ROBO2: variants seen among roughly 807,000 people sequenced by gnomAD.
ROBO2 encodes roundabout guidance receptor 2.
A neutral mutation model predicts 160.8 loss-of-function variants in ROBO2; 53 were observed. The observed-to-expected ratio is 0.33, with a 90% CI of 0.26 to 0.41. The LOEUF is 0.41. Among genes scored for constraint, ROBO2 ranks in the 10% least tolerant of loss-of-function variants. The pLI, the probability that ROBO2 is intolerant of heterozygous loss-of-function variation, is 1.00. For synonymous variants in ROBO2, 664 were observed against 611.7 expected, an observed-to-expected ratio of 1.09 and a Z score of -1.26; for missense variants, 1,577 against 1,722.4, an observed-to-expected ratio of 0.92 and a Z score of 1.49.
intron 2 of ROBO2, among the ~76,000 whole-genome samples, chr3:76,224,902 G>A (rs1704191232): frequency 6.6e-6 from 1 of 152,150 alleles, no homozygotes; most frequent in African/African-American, 2.4e-5. Flanking sequence ...GACCAGGAAA[G>A]TCAAAATATT....
At chr3:77,356,519 A>T (rs2069153765) in intron 2 of ROBO2, among the ~76,000 whole-genome samples, 1 of 152,152 alleles carries the variant, frequency 6.6e-6, no homozygotes, top group Admixed American at 6.6e-5. Context: ...AAAGAAATAC[A>T]TTTTTCTTAC....
rs1559785171 is a variant in ROBO2, at chr3:77,640,096, C to CTTTTTTTTTTTTTTTTTTTTTT, written c.3935-4608_3935-4607insTTTTTTTTTTTTTTTTTTTTTT. ...GAGAGAAGAAACACTGCAGAGGAAG[C>CTTTTTTTTTTTTTTTTTTTTTT]ATTTTTTTTTTTTTTTTTTTTTTTT... On this transcript the variant is annotated intron_variant, in intron 24 of 25. Transcript: ENST00000461745. Among the ~76,000 whole-genome samples, 5 of 97,474 alleles carry CTTTTTTTTTTTTTTTTTTTTTT rather than the reference C, an allele frequency of 5.1e-5. 2 individuals are homozygous for CTTTTTTTTTTTTTTTTTTTTTT. Among genetic ancestry groups the CTTTTTTTTTTTTTTTTTTTTTT allele is most frequent in the Non-Finnish European group, 5.9e-5 (3 of 51,062 alleles). 63.9% of individuals were successfully genotyped at this position (97,474 alleles called of 152,430 possible). A position where few individuals can be genotyped will look rare whatever the true frequency, so the allele number is the denominator to read the frequency against.
intron 2 of ROBO2, among the ~76,000 whole-genome samples, chr3:76,787,379 T>C (rs1056468210): frequency 7.3e-6 from 1 of 136,560 alleles, no homozygotes; most frequent in Non-Finnish European, 1.7e-5. Context: ...GTTTGTTAGC[T>C]TGTGGCCCAA....
At chr3:77,098,623 G>A (rs1000201258) in intron 2 of ROBO2, among the ~76,000 whole-genome samples, 4 of 152,002 alleles carry the variant, frequency 2.6e-5, no homozygotes, top group Admixed American at 6.6e-5. Context: ...GGAGGCGGGC[G>A]GATCACGAGG....
At chr3:77,584,790 A>G (rs1368418509) in intron 16 of ROBO2, among the ~76,000 whole-genome samples, 2 of 151,882 alleles carry the variant, frequency 1.3e-5, no homozygotes, top group Non-Finnish European at 2.9e-5. Flanking sequence ...AGAAAGAAAT[A>G]CAGGTATACC....
At chr3:77,351,830 T>A (rs1364605058) in intron 2 of ROBO2, among the ~76,000 whole-genome samples, 1 of 151,126 alleles carries the variant, frequency 6.6e-6, no homozygotes, top group Admixed American at 6.6e-5. Context: ...CGCAGGTTTT[T>A]TTGTCCTTGC....
intron 2 of ROBO2, among the ~76,000 whole-genome samples, chr3:76,136,707 G>A (rs2071440755): frequency 6.6e-6 from 1 of 151,930 alleles, no homozygotes; most frequent in Admixed American, 6.6e-5. Context: ...CCACTAATAT[G>A]AGTGGTTGAG....
At chr3:76,362,730 G>T (rs1438887252) in intron 2 of ROBO2, among the ~76,000 whole-genome samples, 1 of 152,034 alleles carries the variant, frequency 6.6e-6, no homozygotes, top group African/African-American at 2.4e-5. Context: ...CCTTGAAATA[G>T]TATGTCCTAG....
intron 2 of ROBO2, among the ~76,000 whole-genome samples, chr3:76,289,866 C>T (rs1576280425): frequency 6.6e-6 from 1 of 152,210 alleles, no homozygotes; most frequent in Admixed American, 6.5e-5. Context: ...ATTTTTGTAT[C>T]AGTACTATGC....
intron 2 of ROBO2, among the ~76,000 whole-genome samples, chr3:76,333,453 TGTATG>T (rs2073643424): frequency 6.6e-6 from 1 of 152,212 alleles, no homozygotes; most frequent in African/African-American, 2.4e-5. Context: ...TACATAGTTA[TGTATG>T]ACATATTCCA....
intron 5 of ROBO2, among the ~76,000 whole-genome samples, chr3:77,511,366 G>A (rs2089375062): frequency 6.6e-6 from 1 of 151,916 alleles, no homozygotes; most frequent in African/African-American, 2.4e-5. Flanking sequence ...CTGAAGTTTG[G>A]TTTCATTGCC....
intron 2 of ROBO2, among the ~76,000 whole-genome samples, chr3:76,701,692 T>C (rs543358361): frequency 6.6e-6 from 1 of 152,144 alleles, no homozygotes; most frequent in South Asian, 2.1e-4. Flanking sequence ...GAATACAACT[T>C]AAAGAAGGCT....
chr3:77,598,921 G>T (rs1298233837), intron 19 of ROBO2, among the ~76,000 whole-genome samples: 1 of 152,128 alleles, frequency 6.6e-6, no homozygotes, highest in Non-Finnish European at 1.5e-5. Flanking sequence ...ACATGCTATT[G>T]TTACATGAAA....
At position 76,912,064 on chromosome 3, in the gene ROBO2, C is replaced by T. The variant is rs1026080776; in HGVS notation, c.110-185950C>T. 1.1e-4 allele frequency among the ~76,000 whole-genome samples: 17 copies of T among 152,248 alleles called. No homozygotes were observed. The South Asian group carries it at 1.5e-3, about 13-fold the overall frequency. On this transcript the variant is annotated intron_variant, in intron 2 of 26. Transcript: ENST00000487694. The stretch of plus-strand genomic sequence containing the variant: ...CAGATATTGAAACCAAAGACCAATT[C>T]TAAAAGCCTAATAAATAAGATATTG...
intron 2 of ROBO2, among the ~76,000 whole-genome samples, chr3:76,098,189 T>G (rs1274954610): frequency 6.6e-6 from 1 of 152,198 alleles, no homozygotes; most frequent in Non-Finnish European, 1.5e-5. Context: ...ATCTTCAATT[T>G]TAAAGCAACT....
intron 24 of ROBO2, among the ~76,000 whole-genome samples, chr3:77,635,261 A>AT (rs1200573944): frequency 1.7e-5 from 2 of 120,766 alleles, no homozygotes; most frequent in Non-Finnish European, 3.4e-5. Flanking sequence ...ATTCCATGCA[A>AT]TTTTTTGAGG....
intron 2 of ROBO2, among the ~76,000 whole-genome samples, chr3:76,807,590 A>G (rs1448706638): frequency 6.6e-6 from 1 of 152,044 alleles, no homozygotes. Flanking sequence ...CTCTGACACC[A>G]ATTTATTAGA....
At chr3:76,858,806 A>T (rs756523215) in intron 2 of ROBO2, among the ~76,000 whole-genome samples, 2 of 152,230 alleles carry the variant, frequency 1.3e-5, no homozygotes, top group African/African-American at 2.4e-5. Context: ...GTGTAGGGTG[A>T]GGAAGATCCA....
At chr3:77,558,471 A>G (rs1261517488) in intron 9 of ROBO2, among the ~76,000 whole-genome samples, 1 of 152,112 alleles carries the variant, frequency 6.6e-6, no homozygotes, top group African/African-American at 2.4e-5. Context: ...GACAAAAACA[A>G]CAAATGCTTC....
Sources: allele counts gnomAD v4.1 joint callset (sites outside exome capture counted in the v4.1 genomes callset), GRCh38; gene constraint gnomAD v4.1.1; transcripts MANE v1.5; gene names NCBI Gene and HGNC (gene_info 2026-07-23, HGNC 2026-07-21).